Variants in SNAP23 observed in about 807,000 individuals in gnomAD.
SNAP23 encodes synaptosomal-associated protein 23.
Under a neutral mutation model 29.0 loss-of-function variants are expected in SNAP23, and 11 were observed. The observed-to-expected ratio is 0.38, with a 90% CI of 0.24 to 0.63. The LOEUF is 0.63. SNAP23 is among the 20% of genes least tolerant of loss of function. SNAP23 has a pLI of 0.58. For synonymous variants in SNAP23, 60 were observed against 82.9 expected, an observed-to-expected ratio of 0.72 and a Z score of 1.50; for missense variants, 220 against 253.9, an observed-to-expected ratio of 0.87 and a Z score of 0.91.
intron 5 of SNAP23, among the ~76,000 whole-genome samples, chr15:42,523,363 G>C (rs2057466854): frequency 6.6e-6 from 1 of 152,154 alleles, no homozygotes; most frequent in Non-Finnish European, 1.5e-5. Flanking sequence ...CAAGAGTCCT[G>C]TCACAGATTA....
intron 1 of SNAP23, among the ~76,000 whole-genome samples, chr15:42,506,189 C>T (rs1215549116): frequency 6.6e-6 from 1 of 151,892 alleles, no homozygotes; most frequent in African/African-American, 2.4e-5. Flanking sequence ...TTGTGATCCG[C>T]CAACCTCGGC....
chr15:42,521,677 C>T (rs994190291), intron 5 of SNAP23: 17 of 1,264,388 alleles, frequency 1.3e-5, no homozygotes, highest in African/African-American at 4.4e-5. Context: ...AGTCTTGTGG[C>T]GCAGTTTGGG....
chr15:42,520,705 A>G (rs545473821), intron 5 of SNAP23, among the ~76,000 whole-genome samples: 2 of 152,036 alleles, frequency 1.3e-5, no homozygotes, highest in East Asian at 1.9e-4. Context: ...CGTGTTAGCC[A>G]GGATGGTCTC....
At chr15:42,503,757 C>T (rs2057295483) in intron 1 of SNAP23, among the ~76,000 whole-genome samples, 1 of 152,092 alleles carries the variant, frequency 6.6e-6, no homozygotes. Context: ...CCCACCTTGG[C>T]CTCCCAAAGT....
chr15:42,523,576 A>C (rs1266801728), intron 5 of SNAP23, among the ~76,000 whole-genome samples: 1 of 152,232 alleles, frequency 6.6e-6, no homozygotes, highest in East Asian at 1.9e-4. Flanking sequence ...GAAGCCAATG[A>C]ATGAAAATAT....
upstream of SNAP23, among the ~76,000 whole-genome samples, chr15:42,494,395 CT>C (rs775698216): frequency 0.018 from 2,388 of 133,910 alleles, 59 homozygotes; most frequent in African/African-American, 0.056. Flanking sequence ...CCTTGAAGCA[CT>C]TTTTTTTTTT....
intron 1 of SNAP23, among the ~76,000 whole-genome samples, chr15:42,503,267 T>C (rs1397801747): frequency 1.3e-5 from 2 of 152,108 alleles, no homozygotes; most frequent in African/African-American, 4.8e-5. Context: ...AGCGGTGCGA[T>C]CTCGGCTAAC....
intron 5 of SNAP23, among the ~76,000 whole-genome samples, chr15:42,519,997 A>G (rs1377972454): frequency 6.6e-6 from 1 of 150,930 alleles, no homozygotes; most frequent in Non-Finnish European, 1.5e-5. Flanking sequence ...TCCAGGCTAC[A>G]CTATGTAGTG....
At chr15:42,509,187 CAA>C (rs1236613575) in intron 1 of SNAP23, among the ~76,000 whole-genome samples, 1 of 151,938 alleles carries the variant, frequency 6.6e-6, no homozygotes, top group African/African-American at 2.4e-5. Context: ...GAAAGAGTGA[CAA>C]AAGAGGAACA....
intron 6 of SNAP23, among the ~76,000 whole-genome samples, chr15:42,529,348 AC>A (rs1172475158): frequency 6.6e-6 from 1 of 152,200 alleles, no homozygotes; most frequent in Non-Finnish European, 1.5e-5. Flanking sequence ...GGATGCACTT[AC>A]AGTTTCTGAT....
chr15:42,500,073 G>T (rs1359175403), intron 1 of SNAP23, among the ~76,000 whole-genome samples: 3 of 152,204 alleles, frequency 2.0e-5, no homozygotes, highest in African/African-American at 7.2e-5. Context: ...GAGCCTGGGA[G>T]GTCAAGGCTC....
At chr15:42,506,890 C>G (rs1243050488) in intron 1 of SNAP23, among the ~76,000 whole-genome samples, 1 of 151,678 alleles carries the variant, frequency 6.6e-6, no homozygotes, top group East Asian at 1.9e-4. Flanking sequence ...GCCATCTCGG[C>G]TCACTGTACC....
At chr15:42,516,954 C>G (rs186690060) in intron 5 of SNAP23, among the ~76,000 whole-genome samples, 90 of 152,320 alleles carry the variant, frequency 5.9e-4, no homozygotes, top group African/African-American at 2.1e-3. Flanking sequence ...GAGTCTCGCT[C>G]TGTCACCCAG....
chr15:42,503,635 G>T (rs1240302907), intron 1 of SNAP23, among the ~76,000 whole-genome samples: 1 of 152,126 alleles, frequency 6.6e-6, no homozygotes, highest in Non-Finnish European at 1.5e-5. Flanking sequence ...CTCCCAAAGT[G>T]CTAGGATTAC....
intron 7 of SNAP23, 124 bp downstream of exon 7, chr15:42,529,943 C>A: frequency 9.8e-7 from 1 of 1,024,440 alleles, no homozygotes. Context: ...GGTCTTAATT[C>A]TGATGAGGTG....
chr15:42,529,072 CAG>C (rs762395051), intron 6 of SNAP23, among the ~76,000 whole-genome samples: 2 of 152,230 alleles, frequency 1.3e-5, no homozygotes, highest in Non-Finnish European at 2.9e-5. Context: ...TGTAACGAGC[CAG>C]AGAGTTAATA....
Position 42,529,772 on chromosome 15 carries a change from A to C in SNAP23, c.523A>C (p.Asn175His). The C allele has an allele frequency of 1.2e-6, 2 of 1,613,878 alleles. No individual in the cohort carries two copies. Among genetic ancestry groups the C allele is most frequent in the Non-Finnish European group, 1.7e-6 (2 of 1,179,950 alleles). The change falls in exon 7 of 8, where the codon AAT becomes CAT. Residue 175 changes from asparagine (N) to histidine (H), a missense_variant. Coordinates refer to ENST00000249647, the MANE Select transcript of SNAP23 (RefSeq NM_003825.4). ...NLKDMALNIG[N>H]EIDAQNPQIK... is the part of the protein sequence containing the mutation. Reference sequence around the variant, plus strand: ...AAAAGACATGGCCCTGAACATAGGCAATGAGATTGATGCTCAAAATCCACA... The same window carrying C: ...AAAAGACATGGCCCTGAACATAGGCCATGAGATTGATGCTCAAAATCCACA...
At chr15:42,498,979 G>A (rs2057246174) in intron 1 of SNAP23, among the ~76,000 whole-genome samples, 1 of 152,072 alleles carries the variant, frequency 6.6e-6, no homozygotes, top group Non-Finnish European at 1.5e-5. Flanking sequence ...CAAATAAACA[G>A]TGGAATTCCT....
At chr15:42,494,255 G>GT (rs1344446345), upstream of SNAP23, among the ~76,000 whole-genome samples, 2 of 151,788 alleles carry the variant, frequency 1.3e-5, no homozygotes, top group Non-Finnish European at 2.9e-5. Flanking sequence ...CTACTAAGTT[G>GT]TTTTTTTCAA....
Sources: allele counts gnomAD v4.1 joint callset (sites outside exome capture counted in the v4.1 genomes callset), GRCh38; gene constraint gnomAD v4.1.1; transcripts MANE v1.5; gene names NCBI Gene and HGNC (gene_info 2026-07-23, HGNC 2026-07-21).